Variants in SYN2 observed in about 807,000 individuals in gnomAD.
The protein encoded by SYN2 is synapsin-2.
SYN2 carries 19 observed loss-of-function variants against 50.9 expected under a neutral mutation model. The observed-to-expected ratio is 0.37, with a 90% CI of 0.26 to 0.55. The LOEUF (loss-of-function observed/expected upper bound fraction) is 0.55, where lower values mean the gene tolerates loss of function less well. Among genes scored for constraint, SYN2 ranks in the 20% least tolerant of loss-of-function variants. SYN2 has a pLI of 0.81. For synonymous variants in SYN2, 255 were observed against 224.9 expected, an observed-to-expected ratio of 1.13 and a Z score of -1.20; for missense variants, 587 against 576.4, an observed-to-expected ratio of 1.02 and a Z score of -0.19.
At position 12,190,732 on chromosome 3, in the gene SYN2, T is replaced by C. The variant is rs1698430475; in HGVS notation, c.*107T>C. On this transcript the variant is annotated 3_prime_UTR_variant, in exon 13 of 13. Transcript: ENST00000621198. ...TTATGTCCCATGACCTTGACGTGTG[T>C]GGTCCCTTCCTCTGCTCTGTTGTAC... 1 of 1,504,260 alleles carries C rather than the reference T, an allele frequency of 6.6e-7. No individual in the cohort carries two copies. Among genetic ancestry groups the C allele is most frequent in the Non-Finnish European group, 8.8e-7 (1 of 1,130,294 alleles). 93.2% of individuals were successfully genotyped at this position (1,504,260 alleles called of 1,614,324 possible). A position where few individuals can be genotyped will look rare whatever the true frequency, so the allele number is the denominator to read the frequency against.
chr3:12,082,954 A>G (rs1176238324), intron 1 of SYN2, among the ~76,000 whole-genome samples: 2 of 152,094 alleles, frequency 1.3e-5, no homozygotes, highest in African/African-American at 4.8e-5. Flanking sequence ...TGATTTTTAA[A>G]AAGTTCTTAA....
At chr3:12,136,621 C>T (rs1266093703) in intron 1 of SYN2, among the ~76,000 whole-genome samples, 2 of 152,198 alleles carry the variant, frequency 1.3e-5, no homozygotes, top group East Asian at 1.9e-4. Context: ...TATTCCTCAG[C>T]CTCACAAGCC....
At chr3:12,069,706 C>T (rs1414584105) in intron 1 of SYN2, among the ~76,000 whole-genome samples, 5 of 152,118 alleles carry the variant, frequency 3.3e-5, no homozygotes, top group Non-Finnish European at 7.4e-5. Context: ...TCCAGTTTCT[C>T]CACATCACAT....
chr3:12,037,092 C>G (rs1481394417), intron 1 of SYN2, among the ~76,000 whole-genome samples: 1 of 152,200 alleles, frequency 6.6e-6, no homozygotes. Flanking sequence ...TTCCTCATTT[C>G]CATCTGAGAC....
At chr3:12,096,438 A>G (rs1695936110) in intron 1 of SYN2, among the ~76,000 whole-genome samples, 1 of 152,170 alleles carries the variant, frequency 6.6e-6, no homozygotes, top group African/African-American at 2.4e-5. Flanking sequence ...CTCCAGAAGG[A>G]CATCCTCACT....
chr3:12,022,015 A>G (rs1353483053), intron 1 of SYN2, among the ~76,000 whole-genome samples: 2 of 151,484 alleles, frequency 1.3e-5, no homozygotes, highest in African/African-American at 2.4e-5. Flanking sequence ...GGTTGCAGTG[A>G]GCTGAGATCA....
chr3:12,044,160 T>TTCTCTCTCTCTCTCTC (rs150236284), intron 1 of SYN2, among the ~76,000 whole-genome samples: 3 of 135,634 alleles, frequency 2.2e-5, no homozygotes, highest in African/African-American at 6.1e-5. Context: ...GAAGGCAAAG[T>TTCTCTCTCTCTCTCTC]TCTCTCTCTC....
chr3:12,136,729 G>T (rs1696902199), intron 1 of SYN2, among the ~76,000 whole-genome samples: 2 of 152,132 alleles, frequency 1.3e-5, no homozygotes, highest in African/African-American at 4.8e-5. Flanking sequence ...AATAAGGGGA[G>T]ATGGTTCATT....
chr3:12,004,630 C>A lies in SYN2; in HGVS notation c.79C>A (p.Gln27Lys), dbSNP rs1183110305. Residue 27 changes from glutamine to lysine, a missense_variant, in exon 1 of 13, where the codon CAG becomes AAG. Physicochemically the swap from Gln to Lys is moderately conservative, Grantham distance 53. Transcript: ENST00000621198. The part of the protein sequence containing the change: ...NLPNGYMTDL[Q>K]RPEPQQPPPP... ...GCCCAACGGCTACATGACCGACCTG[C>A]AGCGGCCCGAGCCCCAGCAGCCGCC... is the stretch of plus-strand genomic sequence containing the variant. The A allele has an allele frequency of 5.6e-6, 3 of 537,530 alleles. No homozygotes were observed. In the African/African-American group the frequency reaches 5.9e-5, roughly 11 times the overall value. 33.3% of individuals were successfully genotyped at this position (537,530 alleles called of 1,614,324 possible). A position where few individuals can be genotyped will look rare whatever the true frequency, so the allele number is the denominator to read the frequency against.
At chr3:12,154,504 C>G in intron 5 of SYN2, 3 of 1,600,758 alleles carry the variant, frequency 1.9e-6, no homozygotes, top group South Asian at 1.1e-5. Flanking sequence ...TCCTGGAGCC[C>G]CAGGGGCCCA....
In SYN2 at chr3:12,112,691, A is replaced by G. The variant is rs541735777; in HGVS notation, c.378-27960A>G. Among the ~76,000 whole-genome samples, 7 of 152,354 alleles carry G rather than the reference A, an allele frequency of 4.6e-5. No homozygotes were observed. The South Asian group carries it at 1.5e-3, about 32-fold the overall frequency. On this transcript the variant is annotated intron_variant, in intron 1 of 12. Transcript: ENST00000621198. ...AAACCAAAAGAGGAGAAAGTATTCA[A>G]CCAAGGTCATAGCAAATTAATAGTG...
intron 8 of SYN2, 145 bp downstream of exon 8, chr3:12,167,453 A>G (rs1697830948): frequency 6.6e-6 from 5 of 755,222 alleles, no homozygotes; most frequent in African/African-American, 3.5e-5. Flanking sequence ...TAGCCCATTT[A>G]GCAAGATCAG....
intron 11 of SYN2, chr3:12,183,833 A>C: frequency 9.8e-7 from 1 of 1,023,888 alleles, no homozygotes; most frequent in Non-Finnish European, 1.2e-6. Context: ...CAAAAAGAAA[A>C]CCCAACTCCT....
At chr3:12,079,884 C>T (rs1360835629) in intron 1 of SYN2, among the ~76,000 whole-genome samples, 4 of 152,008 alleles carry the variant, frequency 2.6e-5, no homozygotes, top group African/African-American at 7.2e-5. Context: ...AGGGTATCAG[C>T]TCTTTTTTTT....
chr3:12,140,180 G>A (rs1053679296), intron 1 of SYN2, among the ~76,000 whole-genome samples: 8 of 152,102 alleles, frequency 5.3e-5, no homozygotes, highest in African/African-American at 1.9e-4. Context: ...ATTACTAATT[G>A]CCTCAGGTCC....
At chr3:12,128,528 C>G (rs1696721637) in intron 1 of SYN2, among the ~76,000 whole-genome samples, 1 of 152,092 alleles carries the variant, frequency 6.6e-6, no homozygotes, top group African/African-American at 2.4e-5. Context: ...GATCTCTAAG[C>G]AAAATTTTCC....
intron 1 of SYN2, among the ~76,000 whole-genome samples, chr3:12,050,611 T>C (rs1366796201): frequency 6.6e-6 from 1 of 151,006 alleles, no homozygotes; most frequent in Non-Finnish European, 1.5e-5. Flanking sequence ...CCCAAAGTGC[T>C]GGGATTACAG....
chr3:12,187,291 A>C, intron 11 of SYN2, 78 bp from the exon 12 acceptor site: 2 of 1,453,434 alleles, frequency 1.4e-6, no homozygotes, highest in Non-Finnish European at 1.8e-6. Flanking sequence ...AACTAACCAC[A>C]CCCTTTGAGG....
At chr3:12,147,759 T>A (rs188725096) in intron 4 of SYN2, among the ~76,000 whole-genome samples, 5 of 152,256 alleles carry the variant, frequency 3.3e-5, no homozygotes, top group South Asian at 2.1e-4. Context: ...GGAATAATAG[T>A]AGCACCTGCC....
Sources: gnomAD v4.1 joint callset for allele counts (sites outside exome capture counted in the v4.1 genomes callset) on GRCh38, gnomAD v4.1.1 for gene constraint, MANE v1.5 for transcripts, NCBI Gene and HGNC (gene_info 2026-07-23, HGNC 2026-07-21) for gene names.